The following NWD2 variants were observed in gnomAD, a reference collection of about 807,000 sequenced individuals.
NWD2 encodes the protein NACHT and WD repeat domain containing 2.
Under a neutral mutation model 132.7 loss-of-function variants are expected in NWD2, and 37 were observed. That is an observed-to-expected ratio of 0.28 (90% CI 0.21 to 0.37). The LOEUF (loss-of-function observed/expected upper bound fraction) is 0.37, where lower values mean the gene tolerates loss of function less well. Among genes scored for constraint, NWD2 ranks in the 10% least tolerant of loss-of-function variants. The pLI is 1.00. For missense variants in NWD2, 1,592 were observed against 2,122.4 expected, an observed-to-expected ratio of 0.75 and a Z score of 4.91; for synonymous variants, 705 against 803.0, an observed-to-expected ratio of 0.88 and a Z score of 2.06.
At chr4:37,287,346 G>GT (rs1251301383) in intron 1 of NWD2, among the ~76,000 whole-genome samples, 3 of 152,236 alleles carry the variant, frequency 2.0e-5, no homozygotes, top group East Asian at 3.9e-4. Flanking sequence ...TTTTGCGACG[G>GT]GGGGCAGCAG....
intron 1 of NWD2, among the ~76,000 whole-genome samples, chr4:37,309,083 C>T (rs1577663153): frequency 6.6e-6 from 1 of 152,196 alleles, no homozygotes; most frequent in Non-Finnish European, 1.5e-5. Context: ...CATTGGCAGG[C>T]CCTTGGTGGG....
chr4:37,377,068 T>A (rs1577683916), intron 3 of NWD2, among the ~76,000 whole-genome samples: 1 of 152,184 alleles, frequency 6.6e-6, no homozygotes, highest in Admixed American at 6.5e-5. Context: ...ATACTCAAAT[T>A]TGGGTTCTCA....
At chr4:37,330,369 G>T (rs1197817138) in intron 2 of NWD2, among the ~76,000 whole-genome samples, 1 of 152,130 alleles carries the variant, frequency 6.6e-6, no homozygotes, top group Non-Finnish European at 1.5e-5. Flanking sequence ...TGATTTGCAG[G>T]TATTTACTAA....
Position 37,357,573 on chromosome 4 carries a change from A to T in NWD2, c.357+1091A>T, listed in dbSNP as rs528977076. On this transcript the variant is annotated intron_variant, in intron 3 of 6. Transcript: ENST00000309447. ...TGCTCTTAGGTGCTGGGGGTGTGGT[A>T]GGTTGACCCATACGAAATTGTTATT... is the stretch of plus-strand genomic sequence containing the variant. Among the ~76,000 whole-genome samples, 168 of 152,282 alleles carry T rather than the reference A, an allele frequency of 1.1e-3. 2 individuals are homozygous for T. In the South Asian group the frequency reaches 0.034, roughly 31 times the overall value.
chr4:37,283,697 G>A (rs911452747), intron 1 of NWD2, among the ~76,000 whole-genome samples: 1 of 152,138 alleles, frequency 6.6e-6, no homozygotes, highest in Non-Finnish European at 1.5e-5. Context: ...ATGTAGTAGT[G>A]GGAGCTCAGA....
Position 37,402,349 on chromosome 4 carries a change from G to T in NWD2, c.358-28223G>T, listed in dbSNP as rs147058836. ...CATTATAGCACTGCCTTCCATTGTA[G>T]TTAGTTCTATGTGTCTGAGATCAGG... On this transcript the variant is annotated intron_variant, in intron 3 of 6. Coordinates refer to ENST00000309447, the MANE Select transcript of NWD2 (RefSeq NM_001144990.2). Among the ~76,000 whole-genome samples, 456 of 152,326 alleles carry T rather than the reference G, an allele frequency of 3.0e-3. 2 individuals are homozygous for T. Among genetic ancestry groups the T allele is most frequent in the African/African-American group, 0.01 (419 of 41,578 alleles).
At chr4:37,348,837 C>T (rs1349957478) in intron 2 of NWD2, among the ~76,000 whole-genome samples, 2 of 150,978 alleles carry the variant, frequency 1.3e-5, no homozygotes, top group Non-Finnish European at 2.9e-5. Context: ...TCCCCTAGTA[C>T]CCCACCCCAC....
intron 3 of NWD2, among the ~76,000 whole-genome samples, chr4:37,406,179 A>G (rs1373942612): frequency 6.6e-6 from 1 of 152,244 alleles, no homozygotes; most frequent in Non-Finnish European, 1.5e-5. Context: ...GAAAATGATT[A>G]ATAAATGCAG....
intron 1 of NWD2, among the ~76,000 whole-genome samples, chr4:37,257,965 T>C (rs1008000726): frequency 6.6e-6 from 1 of 152,240 alleles, no homozygotes; most frequent in African/African-American, 2.4e-5. Flanking sequence ...ATGTCAGATG[T>C]GCTAAATTCT....
At chr4:37,373,152 C>T (rs1258858516) in intron 3 of NWD2, among the ~76,000 whole-genome samples, 1 of 152,196 alleles carries the variant, frequency 6.6e-6, no homozygotes, top group Admixed American at 6.5e-5. Flanking sequence ...TGTAACCTCA[C>T]AACAGCACTA....
chr4:37,279,069 A>T (rs1718079845), intron 1 of NWD2, among the ~76,000 whole-genome samples: 1 of 152,214 alleles, frequency 6.6e-6, no homozygotes, highest in Non-Finnish European at 1.5e-5. Context: ...GTTGATTAAA[A>T]AAAACACATA....
At chr4:37,347,899 A>T (rs1719668166) in intron 2 of NWD2, among the ~76,000 whole-genome samples, 1 of 152,244 alleles carries the variant, frequency 6.6e-6, no homozygotes, top group African/African-American at 2.4e-5. Flanking sequence ...TGGTTTGTGC[A>T]TGGCACAACT....
chr4:37,335,633 A>G (rs1335459512), intron 2 of NWD2, among the ~76,000 whole-genome samples: 1 of 151,970 alleles, frequency 6.6e-6, no homozygotes, highest in Non-Finnish European at 1.5e-5. Flanking sequence ...TCCTTCTGTC[A>G]GATCAGCGGT....
At position 37,449,391 on chromosome 4, in the gene NWD2, A is replaced by C. The variant is rs1712728255; in HGVS notation, c.*2174A>C. On this transcript the variant is annotated 3_prime_UTR_variant, in exon 7 of 7. Coordinates refer to ENST00000309447, the MANE Select transcript of NWD2 (RefSeq NM_001144990.2). ...TTGTTACAGAGTTGTTACACTAGAA[A>C]ATTATTTCAGTCTTCAAACAATATA... The C allele has an allele frequency of 6.6e-6, 1 of 152,198 alleles. No individual in the cohort carries two copies. The highest frequency in any genetic ancestry group is 1.5e-5 in the Non-Finnish European group (1 of 68,024). 9.4% of individuals were successfully genotyped at this position (152,198 alleles called of 1,614,324 possible).
At chr4:37,379,796 A>C (rs190783493) in intron 3 of NWD2, among the ~76,000 whole-genome samples, 36 of 152,318 alleles carry the variant, frequency 2.4e-4, no homozygotes, top group Admixed American at 1.6e-3. Context: ...TAGGGGACAG[A>C]TGGGCACTTG....
intron 1 of NWD2, among the ~76,000 whole-genome samples, chr4:37,253,457 C>A (rs920060805): frequency 2.0e-5 from 3 of 152,164 alleles, no homozygotes; most frequent in Non-Finnish European, 4.4e-5. Context: ...CGGAACAGGT[C>A]ATGTCCCAAG....
At chr4:37,352,743 A>G (rs1239292654) in intron 2 of NWD2, among the ~76,000 whole-genome samples, 4 of 152,092 alleles carry the variant, frequency 2.6e-5, no homozygotes, top group Admixed American at 6.5e-5. Flanking sequence ...GAGCCTATCT[A>G]TATCTTTGCA....
intron 1 of NWD2, among the ~76,000 whole-genome samples, chr4:37,272,455 G>T (rs1717891190): frequency 6.6e-6 from 1 of 151,754 alleles, no homozygotes; most frequent in African/African-American, 2.4e-5. Context: ...CAGTTTCTTT[G>T]ATATAGTACA....
rs189355381 is a variant in NWD2 at position 37,350,772 on chromosome 4, G to A, written c.241-5594G>A. ...ACCTCGTCTTGTGCCAGTTTTCAAA[G>A]AGAATGTTTCCAGTTTTTGCCCATT... On this transcript the variant is annotated intron_variant, in intron 2 of 6. Coordinates refer to ENST00000309447, the MANE Select transcript of NWD2 (RefSeq NM_001144990.2). Among the ~76,000 whole-genome samples the A allele has an allele frequency of 7.9e-4, 121 of 152,294 alleles. 1 individual carries two copies. Among genetic ancestry groups the A allele is most frequent in the Non-Finnish European group, 1.0e-4 (7 of 68,022 alleles).
Sources: gnomAD v4.1 joint callset for allele counts (sites outside exome capture counted in the v4.1 genomes callset) on GRCh38, gnomAD v4.1.1 for gene constraint, MANE v1.5 for transcripts, NCBI Gene and HGNC (gene_info 2026-07-23, HGNC 2026-07-21) for gene names.